The following CNTNAP2 variants were observed in gnomAD, a reference collection of about 807,000 sequenced individuals.
The protein encoded by CNTNAP2 is contactin-associated protein-like 2.
A neutral mutation model predicts 155.2 loss-of-function variants in CNTNAP2; 98 were observed. The ratio of observed to expected loss-of-function variants is 0.63; its 90% CI spans 0.54 to 0.75. The LOEUF (loss-of-function observed/expected upper bound fraction) is 0.75. CNTNAP2 is among the 30% of genes least tolerant of loss of function. The pLI is 0.00. For missense variants in CNTNAP2, 1,727 were observed against 1,688.1 expected, an observed-to-expected ratio of 1.02 and a Z score of -0.40; for synonymous variants, 651 against 631.2, an observed-to-expected ratio of 1.03 and a Z score of -0.47.
chr7:146,790,359 T>C (rs1411587104), intron 2 of CNTNAP2, among the ~76,000 whole-genome samples: 1 of 152,116 alleles, frequency 6.6e-6, no homozygotes, highest in Non-Finnish European at 1.5e-5. Context: ...CAAATATTGG[T>C]ATTTTGTACA....
intron 3 of CNTNAP2, among the ~76,000 whole-genome samples, chr7:146,981,339 G>T (rs74759332): frequency 1.3e-5 from 2 of 152,156 alleles, no homozygotes; most frequent in Non-Finnish European, 2.9e-5. Flanking sequence ...AAAAATAGAT[G>T]AGAACAGTAG....
rs1288122487 is a variant in CNTNAP2 at position 146,603,930 on chromosome 7, G to T, written c.98-170341G>T. ...CTTATACAAAAATCAATTCAAGATGGATTAAAGATTTAAACGTTAGACCTA... is the reference window on the plus strand; with the variant it reads ...CTTATACAAAAATCAATTCAAGATGTATTAAAGATTTAAACGTTAGACCTA... On this transcript the variant is annotated intron_variant, in intron 1 of 23. Coordinates refer to ENST00000361727, the MANE Select transcript of CNTNAP2 (RefSeq NM_014141.6). Among the ~76,000 whole-genome samples the T allele has an allele frequency of 7.8e-3, 1,059 of 136,564 alleles. 10 individuals carry two copies. The highest frequency in any genetic ancestry group is 0.029 in the African/African-American group (1,014 of 35,156). The allele number at this position is 136,564 out of a possible 152,430, so 89.6% of individuals were successfully genotyped here. A position where few individuals can be genotyped will look rare whatever the true frequency, so the allele number is the denominator to read the frequency against.
chr7:148,127,574 T>G (rs188152655), intron 16 of CNTNAP2, among the ~76,000 whole-genome samples: 2 of 152,224 alleles, frequency 1.3e-5, no homozygotes, highest in Non-Finnish European at 2.9e-5. Flanking sequence ...AAAACTTTCA[T>G]GTTCAAGATG....
intron 21 of CNTNAP2, among the ~76,000 whole-genome samples, chr7:148,320,366 A>ATTTTTTTTTCTT (rs1797768495): frequency 7.6e-6 from 1 of 131,580 alleles, no homozygotes; most frequent in African/African-American, 2.9e-5. Context: ...CTAACAAAGA[A>ATTTTTTTTTCTT]TTTTTTTTTC....
At chr7:147,427,142 T>C (rs1361063624) in intron 10 of CNTNAP2, among the ~76,000 whole-genome samples, 4 of 152,092 alleles carry the variant, frequency 2.6e-5, no homozygotes, top group Non-Finnish European at 4.4e-5. Context: ...TCTCCTCACA[T>C]GGTGAAAAGG....
At chr7:147,673,906 A>G (rs2116970575) in intron 13 of CNTNAP2, among the ~76,000 whole-genome samples, 1 of 152,338 alleles carries the variant, frequency 6.6e-6, no homozygotes, top group Non-Finnish European at 1.5e-5. Flanking sequence ...GTTAAATGGT[A>G]CAAAAATCAG....
In CNTNAP2 at chr7:148,060,045, A is replaced by G. The variant is rs572296298; in HGVS notation, c.2384-58073A>G. Among the ~76,000 whole-genome samples, 155 of 152,164 alleles carry G rather than the reference A, an allele frequency of 1.0e-3. 1 individual carries two copies. Among genetic ancestry groups the G allele is most frequent in the Middle Eastern group, 6.8e-3 (2 of 294 alleles). ...TCAGCATCATTTGCAGAGTTTTTGA[A>G]CTTCTAAGCTGTACCACACAGAAAT... is the stretch of plus-strand genomic sequence containing the variant. On this transcript the variant is annotated intron_variant, in intron 15 of 23. Coordinates refer to ENST00000361727, the MANE Select transcript of CNTNAP2 (RefSeq NM_014141.6).
At chr7:146,564,827 A>C (rs1234877821) in intron 1 of CNTNAP2, among the ~76,000 whole-genome samples, 1 of 151,902 alleles carries the variant, frequency 6.6e-6, no homozygotes, top group Non-Finnish European at 1.5e-5. Context: ...GTAGTTTACA[A>C]AATATGTTTA....
intron 1 of CNTNAP2, among the ~76,000 whole-genome samples, chr7:146,759,417 G>A (rs1037248528): frequency 1.4e-4 from 21 of 151,938 alleles, no homozygotes; most frequent in South Asian, 4.2e-4. Context: ...TGGTTAGGCC[G>A]GGCACGGTGG....
chr7:146,885,499 G>A (rs185277668), intron 3 of CNTNAP2, among the ~76,000 whole-genome samples: 5 of 152,190 alleles, frequency 3.3e-5, no homozygotes, highest in African/African-American at 7.2e-5. Context: ...ATGCACACAC[G>A]TTGGCATTGT....
chr7:146,402,579 G>A (rs533802800), intron 1 of CNTNAP2, among the ~76,000 whole-genome samples: 40 of 152,210 alleles, frequency 2.6e-4, no homozygotes, highest in Admixed American at 1.2e-3. Flanking sequence ...AAGGAAGTAA[G>A]CAAATAATTA....
intron 1 of CNTNAP2, among the ~76,000 whole-genome samples, chr7:146,769,246 T>C (rs1802251857): frequency 6.6e-6 from 1 of 152,232 alleles, no homozygotes; most frequent in South Asian, 2.1e-4. Context: ...GAAAACACAA[T>C]ACTGGATTAT....
chr7:147,676,184 C>T (rs1795863857), intron 13 of CNTNAP2, among the ~76,000 whole-genome samples: 1 of 151,810 alleles, frequency 6.6e-6, no homozygotes, highest in African/African-American at 2.4e-5. Flanking sequence ...TGAAAATAGA[C>T]ATACGATGAC....
rs1796998120 is a variant in CNTNAP2 at position 146,483,285 on chromosome 7, ATATATATATATATATATATATATATAT to A, written c.98-290985_98-290959del. Among the ~76,000 whole-genome samples, 253 of 47,212 alleles carry A rather than the reference ATATATATATATATATATATATATATAT, an allele frequency of 5.4e-3. 6 individuals carry two copies. Among genetic ancestry groups the A allele is most frequent in the Middle Eastern group, 0.021 (2 of 94 alleles). The allele number at this position is 47,212 out of a possible 152,430, so 31.0% of individuals were successfully genotyped here. A position where few individuals can be genotyped will look rare whatever the true frequency, so the allele number is the denominator to read the frequency against. ...AGCAAGACTCCGTCTAAAAAAAAAT[ATATATATATATATATATATATATATAT>A]ATATATATATATATATACATATATA... is the stretch of plus-strand genomic sequence containing the variant. On this transcript the variant is annotated intron_variant, in intron 1 of 23. Transcript: ENST00000361727.
chr7:148,018,013 G>T (rs933168053), intron 15 of CNTNAP2, among the ~76,000 whole-genome samples: 1 of 152,154 alleles, frequency 6.6e-6, no homozygotes, highest in African/African-American at 2.4e-5. Flanking sequence ...GTTAAAACTC[G>T]CCACAAAGGC....
At chr7:147,301,967 C>A (rs1235498454) in intron 9 of CNTNAP2, among the ~76,000 whole-genome samples, 2 of 152,030 alleles carry the variant, frequency 1.3e-5, no homozygotes, top group African/African-American at 4.8e-5. Context: ...TGAACTAGGG[C>A]TCTGCTTCTT....
chr7:148,076,088 CTTAAG>C (rs926283253), intron 15 of CNTNAP2, among the ~76,000 whole-genome samples: 2 of 152,072 alleles, frequency 1.3e-5, no homozygotes, highest in Non-Finnish European at 2.9e-5. Flanking sequence ...TAATGAAAGA[CTTAAG>C]TTATTACAGA....
intron 4 of CNTNAP2, among the ~76,000 whole-genome samples, chr7:147,044,891 G>A (rs760600750): frequency 8.6e-5 from 13 of 151,984 alleles, no homozygotes; most frequent in Non-Finnish European, 8.8e-5. Flanking sequence ...TTTGGGCCAA[G>A]GTTGATGGTG....
At chr7:147,016,119 C>T (rs1284987307) in intron 3 of CNTNAP2, among the ~76,000 whole-genome samples, 1 of 152,014 alleles carries the variant, frequency 6.6e-6, no homozygotes, top group Non-Finnish European at 1.5e-5. Context: ...AGATTGAAAG[C>T]TGTGCGACTT....
Sources: allele counts gnomAD v4.1 joint callset (sites outside exome capture counted in the v4.1 genomes callset), GRCh38; gene constraint gnomAD v4.1.1; transcripts MANE v1.5; gene names NCBI Gene and HGNC (gene_info 2026-07-23, HGNC 2026-07-21).